Variants in MED13 observed in about 807,000 individuals in gnomAD.
The protein encoded by MED13 is mediator of RNA polymerase II transcription subunit 13.
A neutral mutation model predicts 225.2 loss-of-function variants in MED13; 23 were observed. The ratio of observed to expected loss-of-function variants is 0.10; its 90% CI spans 0.07 to 0.14. MED13 has a LOEUF of 0.14. MED13 is among the 10% of genes least tolerant of loss of function. The probability of loss-of-function intolerance (pLI) is 1.00; values close to 1 mark genes in which losing one functional copy is unlikely to be tolerated. For missense variants in MED13, 2,197 were observed against 2,594.5 expected, an observed-to-expected ratio of 0.85 and a Z score of 3.33; for synonymous variants, 942 against 889.2, an observed-to-expected ratio of 1.06 and a Z score of -1.06.
At chr17:62,057,798 A>C (rs933647596) in intron 2 of MED13, among the ~76,000 whole-genome samples, 2 of 152,268 alleles carry the variant, frequency 1.3e-5, no homozygotes, top group Non-Finnish European at 2.9e-5. Flanking sequence ...GGAGCCAGGA[A>C]AAAGAACAAA....
rs187363291 is a variant in MED13, at chr17:61,993,804, G to A, written c.2182-1183C>T. Among the ~76,000 whole-genome samples the A allele has an allele frequency of 5.9e-5, 9 of 151,924 alleles. No homozygotes were observed. In the East Asian group the frequency reaches 1.6e-3, roughly 27 times the overall value. ...AAATTAGCCGAGCGTAGTGGCGCAT[G>A]CCTGTAATCTCAGCTACTAGGGAGG... On this transcript the variant is annotated intron_variant, in intron 10 of 29. Transcript: ENST00000397786.
intron 8 of MED13, among the ~76,000 whole-genome samples, chr17:62,016,942 G>A (rs776353218): frequency 7.2e-5 from 11 of 151,822 alleles, no homozygotes; most frequent in Non-Finnish European, 1.5e-4. Flanking sequence ...CCCAGGAGGT[G>A]GAGGTTGCAA....
rs1301779716 is a variant in MED13 at position 62,038,050 on chromosome 17, T to C, written c.471-2442A>G. ...TCTACTGTTCCTTTAATCAGTGGAG[T>C]ATAGTTCTTAAAAACACAGTTTTCA... On this transcript the variant is annotated intron_variant, in intron 3 of 29. Transcript: ENST00000397786. Among the ~76,000 whole-genome samples, 4 of 148,522 alleles carry C rather than the reference T, an allele frequency of 2.7e-5. No homozygotes were observed. In the Admixed American group the frequency reaches 2.7e-4, roughly 10 times the overall value.
chr17:61,994,917 G>C (rs1403875602), intron 10 of MED13, among the ~76,000 whole-genome samples: 7 of 152,130 alleles, frequency 4.6e-5, no homozygotes, highest in Admixed American at 3.3e-4. Context: ...CACCATGTTG[G>C]CCAAGCTGGT....
At chr17:62,065,040 G>C (rs2081070352) in intron 1 of MED13, 100 bp downstream of exon 1, 3 of 1,096,094 alleles carry the variant, frequency 2.7e-6, no homozygotes, top group Non-Finnish European at 3.7e-6. Flanking sequence ...GCCTCGCCCG[G>C]GAACTCGGGC....
Position 61,995,219 on chromosome 17 carries a change from T to C in MED13, c.2114A>G (p.Glu705Gly). ...IDPYAFVEGD[E>G]EFLFPDKKDR... ...TTTTTTATCAGGAAAAAGGAATTCC[T>C]CATCTCCTTCAACAAATGCATATGG... is the stretch of plus-strand genomic sequence containing the variant. Residue 705 changes from glutamate to glycine, a missense_variant, in exon 10 of 30, where the codon GAG (glutamate) becomes GGG (glycine). Physicochemically the swap from Glu to Gly is moderately conservative, Grantham distance 98. Around this residue, in one of 12 missense-constraint regions of MED13, gnomAD observed 884 missense variants for 918.5 expected, o/e 0.96. Transcript: ENST00000397786. 1.2e-6 allele frequency: 2 copies of C among 1,613,878 alleles called. No individual in the cohort carries two copies. Among genetic ancestry groups the C allele is most frequent in the Non-Finnish European group, 1.7e-6 (2 of 1,179,906 alleles).
intron 8 of MED13, among the ~76,000 whole-genome samples, chr17:62,016,718 A>G (rs2080585219): frequency 6.6e-6 from 1 of 152,184 alleles, no homozygotes; most frequent in Non-Finnish European, 1.5e-5. Flanking sequence ...AGTTCAATAA[A>G]ATATATTGGG....
At chr17:62,056,590 T>C (rs1414041817) in intron 2 of MED13, among the ~76,000 whole-genome samples, 1 of 136,698 alleles carries the variant, frequency 7.3e-6, no homozygotes, top group Non-Finnish European at 1.5e-5. Flanking sequence ...AGGAAGACCC[T>C]GACTCCAAAA....
At chr17:62,013,435 A>G (rs530194972) in intron 8 of MED13, among the ~76,000 whole-genome samples, 16 of 152,310 alleles carry the variant, frequency 1.1e-4, no homozygotes, top group African/African-American at 3.8e-4. Flanking sequence ...AAACCATATT[A>G]TCTCAATAAC....
At chr17:62,048,196 A>AGCCTAGCCAACAT in intron 3 of MED13, among the ~76,000 whole-genome samples, 1 of 150,194 alleles carries the variant, frequency 6.7e-6, no homozygotes, top group East Asian at 1.9e-4. Context: ...ACTTGAGGCC[A>AGCCTAGCCAACAT]GGAGATCAAG....
rs1270935552 is a variant in MED13 at position 61,944,217 on chromosome 17, C to T, written c.*2251G>A. ...AACCTGTCAGGGAATAATTTTAAAT[C>T]TACTTTCAAATTGAGGTGTGGTTAT... is the stretch of plus-strand genomic sequence containing the variant. On this transcript the variant is annotated 3_prime_UTR_variant, in exon 30 of 30. Coordinates refer to ENST00000397786, the MANE Select transcript of MED13 (RefSeq NM_005121.3). 1 of 152,476 alleles carries T rather than the reference C, an allele frequency of 6.6e-6. No individual in the cohort carries two copies. Among genetic ancestry groups the T allele is most frequent in the African/African-American group, 2.4e-5 (1 of 41,396 alleles). 9.4% of individuals were successfully genotyped at this position (152,476 alleles called of 1,614,324 possible).
At chr17:61,961,898 G>T (rs2080003952) in intron 21 of MED13, 119 bp from the exon 22 acceptor site, 2 of 970,742 alleles carry the variant, frequency 2.1e-6, no homozygotes, top group East Asian at 2.5e-5. Flanking sequence ...TAATTTAAAT[G>T]AAAATTTAAC....
At position 61,946,534 on chromosome 17, in the gene MED13, G is replaced by A. The variant is rs2079853089; in HGVS notation, c.6459C>T (p.Arg2153=). Residue 2153 remains arginine, a synonymous_variant, in exon 30 of 30, where the codon CGC becomes CGT. Coordinates refer to ENST00000397786, the MANE Select transcript of MED13 (RefSeq NM_005121.3). ...CCACAAAATGAATTGGGAGACATGA[G>A]CGTCTGTCCTGGGTTGCAGGGTCAC... ...LTCDPATQDR[R]SCLPIHFVVL... is the part of the protein sequence containing the mutation. 1 of 1,613,904 alleles carries A rather than the reference G, an allele frequency of 6.2e-7. No individual in the cohort carries two copies.
intron 16 of MED13, among the ~76,000 whole-genome samples, chr17:61,976,387 G>T (rs2080156705): frequency 6.6e-6 from 1 of 152,184 alleles, no homozygotes; most frequent in Non-Finnish European, 1.5e-5. Flanking sequence ...CTTAGTGGTT[G>T]TCTATAGCTA....
chr17:61,953,445 C>T (rs1395219919), intron 26 of MED13, among the ~76,000 whole-genome samples: 1 of 152,036 alleles, frequency 6.6e-6, no homozygotes, highest in Non-Finnish European at 1.5e-5. Flanking sequence ...CGGGTGGGTC[C>T]AATGTAATCA....
intron 16 of MED13, among the ~76,000 whole-genome samples, chr17:61,975,444 A>G (rs992731024): frequency 3.9e-5 from 6 of 152,246 alleles, no homozygotes; most frequent in Non-Finnish European, 8.8e-5. Context: ...TACTTTGATT[A>G]TAAGATGACT....
chr17:62,030,376 G>C (rs1425750601), intron 6 of MED13: 1 of 161,444 alleles, frequency 6.2e-6, no homozygotes, highest in East Asian at 1.8e-4. Flanking sequence ...CATCATCAAG[G>C]TCAGAGGCTG....
At chr17:62,050,353 C>G (rs1329215885) in intron 3 of MED13, among the ~76,000 whole-genome samples, 1 of 146,518 alleles carries the variant, frequency 6.8e-6, no homozygotes, top group East Asian at 2.0e-4. Flanking sequence ...AGTGAAACTC[C>G]GTATCAGAAA....
chr17:61,962,277 T>A (rs2080007749), intron 21 of MED13, among the ~76,000 whole-genome samples: 1 of 152,142 alleles, frequency 6.6e-6, no homozygotes, highest in Non-Finnish European at 1.5e-5. Context: ...AGAGCGAGAC[T>A]CTGTCTCAGA....
Sources: gnomAD v4.1 joint callset for allele counts (sites outside exome capture counted in the v4.1 genomes callset) on GRCh38, gnomAD v4.1.1 for gene constraint, gnomAD v4.1.1 regional missense constraint, MANE v1.5 for transcripts, NCBI Gene and HGNC (gene_info 2026-07-23, HGNC 2026-07-21) for gene names.